Variants in WFDC1 observed in about 807,000 individuals in gnomAD.
WFDC1 encodes the protein WAP four-disulfide core domain 1.
In WFDC1, 39 loss-of-function variants were observed where a neutral mutation model predicts 32.9. The ratio of observed to expected loss-of-function variants is 1.19; its 90% CI spans 0.92 to 1.55. The LOEUF is 1.55. Among genes scored for constraint, WFDC1 ranks in the 40% most tolerant of loss-of-function variants. WFDC1 has a pLI of 0.00. For missense variants in WFDC1, 386 were observed against 309.5 expected (o/e 1.25, Z -1.85); for synonymous variants, 184 against 137.4 (o/e 1.34, Z -2.37).
rs1310200287 is a variant in WFDC1, at chr16:84,306,040, TAATAATAAA to T, written c.145-6919_145-6911del. Among the ~76,000 whole-genome samples, 1,053 of 135,594 alleles carry T rather than the reference TAATAATAAA, an allele frequency of 7.8e-3. 10 individuals are homozygous for T. Among genetic ancestry groups the T allele is most frequent in the African/African-American group, 0.027 (998 of 36,792 alleles). 89.0% of individuals were successfully genotyped at this position (135,594 alleles called of 152,430 possible). ...ATAATAATAATAATAATAATAATAA[TAATAATAAA>T]AGGAATAAAAATCAGGTGAACTATG... On this transcript the variant is annotated intron_variant, in intron 1 of 6. Coordinates refer to ENST00000219454, the MANE Select transcript of WFDC1 (RefSeq NM_021197.4).
intron 1 of WFDC1, among the ~76,000 whole-genome samples, chr16:84,310,681 C>A (rs1458040596): frequency 1.3e-5 from 2 of 152,152 alleles, no homozygotes; most frequent in Non-Finnish European, 2.9e-5. Flanking sequence ...TATGTTACAT[C>A]TGTGTGCATT....
At chr16:84,305,500 G>C (rs1397287125) in intron 1 of WFDC1, among the ~76,000 whole-genome samples, 1 of 152,158 alleles carries the variant, frequency 6.6e-6, no homozygotes, top group Non-Finnish European at 1.5e-5. Context: ...TGGGTTTCTC[G>C]TACGTGTATC....
chr16:84,327,374 T>C (rs1908666051), intron 6 of WFDC1: 1 of 172,800 alleles, frequency 5.8e-6, no homozygotes, highest in Admixed American at 5.7e-5. Context: ...TTTTTTTGTA[T>C]TTTTTGTAGA....
At chr16:84,326,833 G>C (rs1597698674) in intron 5 of WFDC1, 49 bp from the exon 6 acceptor site, 1 of 1,611,998 alleles carries the variant, frequency 6.2e-7, no homozygotes, top group East Asian at 2.2e-5. Flanking sequence ...GGGGGCATTA[G>C]AGCAGGAATA....
chr16:84,303,923 A>G (rs1264576373), intron 1 of WFDC1, among the ~76,000 whole-genome samples: 2 of 152,334 alleles, frequency 1.3e-5, no homozygotes, highest in Non-Finnish European at 2.9e-5. Flanking sequence ...ATCATCCAGT[A>G]TGTGCTATTT....
rs1908788736 is a variant in WFDC1, at chr16:84,329,340, C to G, written c.*34C>G. On this transcript the variant is annotated 3_prime_UTR_variant, in exon 7 of 7. Transcript: ENST00000219454. ...TTTCCAGCTAGGTTGCAAGAACATT[C>G]CTCTACTTTCTGCTAAGCCTTGGAA... is the stretch of plus-strand genomic sequence containing the variant. 1 of 149,568 alleles carries G rather than the reference C, an allele frequency of 6.7e-6. No individual in the cohort carries two copies. The highest frequency in any genetic ancestry group is 1.5e-5 in the Non-Finnish European group (1 of 68,156). The allele number at this position is 149,568 out of a possible 1,614,324, so 9.3% of individuals were successfully genotyped here.
Position 84,324,572 on chromosome 16 carries a change from G to A in WFDC1, c.604+112G>A, listed in dbSNP as rs146286005. On this transcript the variant is annotated intron_variant, in intron 5 of 6. Transcript: ENST00000219454. The stretch of plus-strand genomic sequence containing the variant: ...AGGGCTGAGATATAGGGAACAAAAT[G>A]GGACCTGGGATTAAGAAACAAAATA... 4.1e-5 allele frequency: 50 copies of A among 1,233,260 alleles called. No homozygotes were observed. The African/African-American group carries it at 7.0e-4, about 17-fold the overall frequency. 76.4% of individuals were successfully genotyped at this position (1,233,260 alleles called of 1,614,324 possible).
intron 1 of WFDC1, among the ~76,000 whole-genome samples, chr16:84,310,583 C>T (rs1434672660): frequency 6.6e-6 from 1 of 152,206 alleles, no homozygotes; most frequent in Non-Finnish European, 1.5e-5. Flanking sequence ...CCCTATTCTT[C>T]TCTCCAAAGG....
intron 1 of WFDC1, among the ~76,000 whole-genome samples, chr16:84,301,827 T>G (rs1386553595): frequency 6.6e-6 from 1 of 152,164 alleles, no homozygotes; most frequent in African/African-American, 2.4e-5. Context: ...GGGACTGAGA[T>G]TCCTCATCTG....
intron 4 of WFDC1, among the ~76,000 whole-genome samples, chr16:84,320,850 A>G (rs1051026620): frequency 1.4e-5 from 2 of 139,824 alleles, no homozygotes; most frequent in East Asian, 4.4e-4. Flanking sequence ...TGGGGAGTGC[A>G]TGATCTGCCA....
chr16:84,321,227 A>T (rs1457817224), intron 4 of WFDC1, among the ~76,000 whole-genome samples: 1 of 152,252 alleles, frequency 6.6e-6, no homozygotes. Context: ...TACTTGAGGT[A>T]CTTCACAGGG....
At chr16:84,319,053 T>C in intron 3 of WFDC1, 1 of 287,394 alleles carries the variant, frequency 3.5e-6, no homozygotes. Flanking sequence ...CGTGCGTATA[T>C]GTCTGTGTGT....
chr16:84,294,928 C>T lies in WFDC1; in HGVS notation c.-44C>T. The T allele has an allele frequency of 1.3e-6, 2 of 1,590,014 alleles. No homozygotes were observed. Among genetic ancestry groups the T allele is most frequent in the Middle Eastern group, 1.7e-4 (1 of 5,920 alleles). ...TCACAGGCCCACGCAGCGAGGGGGGCCCCTCTTCTGTGTGCGTCTGGAAGG... is the reference window on the plus strand; with the variant it reads ...TCACAGGCCCACGCAGCGAGGGGGGTCCCTCTTCTGTGTGCGTCTGGAAGG... On this transcript the variant is annotated 5_prime_UTR_variant, in exon 1 of 7. Coordinates refer to ENST00000219454, the MANE Select transcript of WFDC1 (RefSeq NM_021197.4).
At position 84,306,036 on chromosome 16, in the gene WFDC1, AT is replaced by A. The variant is rs1597668454; in HGVS notation, c.145-6924del. Among the ~76,000 whole-genome samples the A allele has an allele frequency of 4.7e-5, 7 of 149,314 alleles. 1 individual carries two copies. The East Asian group carries it at 9.8e-4, about 21-fold the overall frequency. On this transcript the variant is annotated intron_variant, in intron 1 of 6. Coordinates refer to ENST00000219454, the MANE Select transcript of WFDC1 (RefSeq NM_021197.4). ...AATAATAATAATAATAATAATAATA[AT>A]AATAATAATAAAAGGAATAAAAATC... is the stretch of plus-strand genomic sequence containing the variant.
chr16:84,319,348 C>G (rs545607562), intron 3 of WFDC1, 83 bp from the exon 4 acceptor site: 2 of 1,549,158 alleles, frequency 1.3e-6, no homozygotes, highest in Admixed American at 1.8e-5. Context: ...GCACCCGTCC[C>G]GGGAGTCTGC....
intron 6 of WFDC1, 21 bp downstream of exon 6, chr16:84,326,976 A>T: frequency 6.2e-7 from 1 of 1,613,020 alleles, no homozygotes; most frequent in Non-Finnish European, 8.5e-7. Flanking sequence ...AGAGAGCAAG[A>T]GTCATGGCCA....
chr16:84,317,348 T>G (rs1267256387), intron 2 of WFDC1: 2 of 146,532 alleles, frequency 1.4e-5, no homozygotes, highest in Non-Finnish European at 3.0e-5. Context: ...AAGAAGTAAA[T>G]AAATAAATAG....
chr16:84,324,581 G>C lies in WFDC1; in HGVS notation c.604+121G>C, dbSNP rs920295311. ...ATATAGGGAACAAAATGGGACCTGG[G>C]ATTAAGAAACAAAATAGAAGACCTG... On this transcript the variant is annotated intron_variant, in intron 5 of 6. Coordinates refer to ENST00000219454, the MANE Select transcript of WFDC1 (RefSeq NM_021197.4). The C allele has an allele frequency of 1.7e-4, 192 of 1,135,660 alleles. 1 individual carries two copies. In the East Asian group the frequency reaches 4.5e-3, roughly 27 times the overall value. The allele number at this position is 1,135,660 out of a possible 1,614,324, so 70.3% of individuals were successfully genotyped here.
chr16:84,309,990 C>T (rs1261317254), intron 1 of WFDC1, among the ~76,000 whole-genome samples: 2 of 152,082 alleles, frequency 1.3e-5, no homozygotes, highest in African/African-American at 2.4e-5. Flanking sequence ...AACCTAATTG[C>T]GTCTGCAAAG....
Sources: gnomAD v4.1 joint callset for allele counts (sites outside exome capture counted in the v4.1 genomes callset) on GRCh38, gnomAD v4.1.1 for gene constraint, MANE v1.5 for transcripts, NCBI Gene and HGNC (gene_info 2026-07-23, HGNC 2026-07-21) for gene names.